The following TRIO variants were observed in gnomAD, a reference collection of about 807,000 sequenced individuals.
TRIO encodes the protein trio Rho guanine nucleotide exchange factor, also known as triple functional domain protein.
Under a neutral mutation model 351.9 loss-of-function variants are expected in TRIO, and 58 were observed. The ratio of observed to expected loss-of-function variants is 0.16; its 90% CI spans 0.13 to 0.21. The LOEUF is 0.21. Among genes scored for constraint, TRIO ranks in the 10% least tolerant of loss-of-function variants. TRIO has a pLI of 1.00. For missense variants in TRIO, 3,201 were observed against 4,027.8 expected, an observed-to-expected ratio of 0.79 and a Z score of 5.56; for synonymous variants, 1,758 against 1,595.7, an observed-to-expected ratio of 1.10 and a Z score of -2.42.
chr5:14,226,174 T>C (rs537800149), intron 1 of TRIO, among the ~76,000 whole-genome samples: 1 of 152,212 alleles, frequency 6.6e-6, no homozygotes, highest in Non-Finnish European at 1.5e-5. Context: ...TCCTGATGGG[T>C]GGGTCTTCAT....
rs774267727 is a variant in TRIO at position 14,497,538 on chromosome 5, G to A, written c.8020-309G>A. Among the ~76,000 whole-genome samples the A allele has an allele frequency of 7.2e-5, 11 of 152,170 alleles. No individual in the cohort carries two copies. The highest frequency in any genetic ancestry group is 1.0e-4 in the Non-Finnish European group (7 of 68,026). ...GTATCTCCTGAAAGGGACTCTGAGCGCCAGGGGCCAGGGCGTTGGCGGCTC... is the reference window on the plus strand; with the variant it reads ...GTATCTCCTGAAAGGGACTCTGAGCACCAGGGGCCAGGGCGTTGGCGGCTC... On this transcript the variant is annotated intron_variant, in intron 50 of 56. Coordinates refer to ENST00000344204, the MANE Select transcript of TRIO (RefSeq NM_007118.4). This position sits in a 1 kb window ranked among gnomAD's most constrained non-coding sequence, Gnocchi z 4.4.
chr5:14,323,622 T>C (rs2152311097), intron 9 of TRIO, among the ~76,000 whole-genome samples: 1 of 152,352 alleles, frequency 6.6e-6, no homozygotes, highest in East Asian at 1.9e-4. Flanking sequence ...CAGGCCTCCC[T>C]TGCTTCGCCG....
chr5:14,348,786 TTG>T (rs1196527049), intron 11 of TRIO, among the ~76,000 whole-genome samples: 4 of 139,880 alleles, frequency 2.9e-5, no homozygotes, highest in South Asian at 2.4e-4. Context: ...TCCTGCATGT[TTG>T]TGTGTGTACG....
intron 34 of TRIO, among the ~76,000 whole-genome samples, chr5:14,431,611 A>G (rs1039327538): frequency 2.0e-5 from 3 of 152,196 alleles, no homozygotes; most frequent in South Asian, 4.1e-4. Flanking sequence ...TTAGATATAG[A>G]TGTGTTTCCT....
At chr5:14,405,796 A>G (rs1748652656) in intron 31 of TRIO, 52 bp from the exon 32 acceptor site, 3 of 1,544,262 alleles carry the variant, frequency 1.9e-6, no homozygotes, top group Non-Finnish European at 2.6e-6. Context: ...GGTTAGGGCA[A>G]GGTCTGGAAA....
rs762143386 is a variant in TRIO at position 14,509,954 on chromosome 5, TTTTG to T, written c.*1540_*1543del. ...TATTTTATTTATTCTTTTGTTGGGT[TTTTG>T]TTTGTTTCTTCTTGTAAAATTGTAC... On this transcript the variant is annotated 3_prime_UTR_variant, in exon 57 of 57. Transcript: ENST00000344204. 3.3e-5 allele frequency: 5 copies of T among 152,248 alleles called. No homozygotes were observed. The highest frequency in any genetic ancestry group is 7.2e-5 in the African/African-American group (3 of 41,458). The allele number at this position is 152,248 out of a possible 1,614,324, so 9.4% of individuals were successfully genotyped here.
At position 14,359,441 on chromosome 5, in the gene TRIO, G is replaced by A. The variant is rs752703966; in HGVS notation, c.2301G>A (p.Ala767=). 1.6e-5 allele frequency: 26 copies of A among 1,614,150 alleles called. No individual in the cohort carries two copies. Among genetic ancestry groups the A allele is most frequent in the East Asian group, 1.3e-4 (6 of 44,900 alleles). The change falls in exon 13 of 57, where the codon GCG becomes GCA. Residue 767 remains alanine, a synonymous_variant. Coordinates refer to ENST00000344204, the MANE Select transcript of TRIO (RefSeq NM_007118.4). ...IETVLQQLDE[A]QSQMEELFQE... ...CGGTGCTGCAGCAGCTGGACGAGGC[G>A]CAGTCGCAGATGGAGGAGCTCTTCC...
chr5:14,198,740 AGG>A (rs1474272199), intron 1 of TRIO, among the ~76,000 whole-genome samples: 1 of 152,168 alleles, frequency 6.6e-6, no homozygotes, highest in Non-Finnish European at 1.5e-5. Context: ...TAGTGACTGT[AGG>A]GGCTGAACTT....
chr5:14,191,389 T>G (rs1376247797), intron 1 of TRIO, among the ~76,000 whole-genome samples: 1 of 152,060 alleles, frequency 6.6e-6, no homozygotes, highest in South Asian at 2.1e-4. Flanking sequence ...GTCAGGAGTT[T>G]AAGACCAGCC....
intron 34 of TRIO, among the ~76,000 whole-genome samples, chr5:14,459,647 G>A (rs1239127505): frequency 6.6e-6 from 1 of 152,200 alleles, no homozygotes; most frequent in African/African-American, 2.4e-5. Flanking sequence ...GGCTGAGACG[G>A]GAGACTCTTG....
At chr5:14,474,192 G>A (rs1004512208) in intron 40 of TRIO, 95 bp downstream of exon 40, 10 of 1,211,530 alleles carry the variant, frequency 8.3e-6, no homozygotes, top group African/African-American at 6.0e-5. Flanking sequence ...TCTGTTCATC[G>A]TATTACCTGT....
intron 48 of TRIO, among the ~76,000 whole-genome samples, chr5:14,491,911 A>G (rs1756517742): frequency 6.6e-6 from 1 of 152,196 alleles, no homozygotes; most frequent in Non-Finnish European, 1.5e-5. Flanking sequence ...GCAAGTTCAT[A>G]AGAGGGACAC....
At chr5:14,474,192 G>T in intron 40 of TRIO, 95 bp downstream of exon 40, 3 of 1,211,654 alleles carry the variant, frequency 2.5e-6, no homozygotes, top group Non-Finnish European at 2.4e-6. Context: ...TCTGTTCATC[G>T]TATTACCTGT....
chr5:14,245,995 T>G (rs1794415209), intron 1 of TRIO, among the ~76,000 whole-genome samples: 1 of 152,238 alleles, frequency 6.6e-6, no homozygotes, highest in African/African-American at 2.4e-5. Flanking sequence ...CATTGCTTAT[T>G]ATTCTGGGAG....
intron 1 of TRIO, among the ~76,000 whole-genome samples, chr5:14,255,365 C>G (rs1794970867): frequency 6.6e-6 from 1 of 151,980 alleles, no homozygotes; most frequent in Non-Finnish European, 1.5e-5. Context: ...TTTGTAATAG[C>G]AAAAATGAGA....
chr5:14,423,607 G>A (rs1265533851), intron 34 of TRIO, among the ~76,000 whole-genome samples: 1 of 152,134 alleles, frequency 6.6e-6, no homozygotes, highest in East Asian at 1.9e-4. Context: ...AATGGTCCCT[G>A]GGGATTTAGC....
chr5:14,282,711 G>A (rs149986190), intron 3 of TRIO, among the ~76,000 whole-genome samples: 8 of 152,202 alleles, frequency 5.3e-5, no homozygotes, highest in African/African-American at 9.6e-5. Context: ...TTCACCTGGT[G>A]TATTTTATAA....
rs541069517 is a variant in TRIO at position 14,509,071 on chromosome 5, C to G, written c.*649C>G. 5.3e-6 allele frequency: 1 copy of G among 187,196 alleles called. No individual in the cohort carries two copies. Among genetic ancestry groups the G allele is most frequent in the East Asian group, 1.8e-4 (1 of 5,684 alleles). The allele number at this position is 187,196 out of a possible 1,614,324, so 11.6% of individuals were successfully genotyped here. On this transcript the variant is annotated 3_prime_UTR_variant, in exon 57 of 57. Coordinates refer to ENST00000344204, the MANE Select transcript of TRIO (RefSeq NM_007118.4). ...TCCCACCTGCCTCCCCTACCCACCC[C>G]CCACCCACCACCTGGGGCTTCCTCT... is the stretch of plus-strand genomic sequence containing the variant.
chr5:14,399,347 C>A (rs558994984), intron 30 of TRIO: 17 of 446,862 alleles, frequency 3.8e-5, no homozygotes, highest in African/African-American at 2.0e-4. Flanking sequence ...TAAGTGAAAT[C>A]ATTTATCTCC....
Sources: allele counts gnomAD v4.1 joint callset (sites outside exome capture counted in the v4.1 genomes callset), GRCh38; gene constraint gnomAD v4.1.1; non-coding constraint Gnocchi (gnomAD v3.1); transcripts MANE v1.5; gene names NCBI Gene and HGNC (gene_info 2026-07-23, HGNC 2026-07-21).